SIDT1: variants seen among roughly 807,000 people sequenced by gnomAD.
SIDT1 encodes the protein SID1 transmembrane family member 1.
Under a neutral mutation model 107.5 loss-of-function variants are expected in SIDT1, and 101 were observed. The ratio of observed to expected loss-of-function variants is 0.94; its 90% CI spans 0.80 to 1.11. SIDT1 has a LOEUF of 1.11. SIDT1 is among the 50% of genes least tolerant of loss of function. SIDT1 has a pLI of 0.00. For synonymous variants in SIDT1, 395 were observed against 398.2 expected (o/e 0.99, Z 0.10); for missense variants, 1,076 against 1,058.2 (o/e 1.02, Z -0.23).
At chr3:113,623,067 T>C (rs1297388236) in intron 21 of SIDT1, among the ~76,000 whole-genome samples, 1 of 151,606 alleles carries the variant, frequency 6.6e-6, no homozygotes, top group Admixed American at 6.6e-5. Context: ...GGCATGCATC[T>C]GTAGTCCCGG....
chr3:113,585,729 C>G (rs1215659553), intron 9 of SIDT1, among the ~76,000 whole-genome samples: 1 of 152,112 alleles, frequency 6.6e-6, no homozygotes, highest in Non-Finnish European at 1.5e-5. Flanking sequence ...GAGTAATGTT[C>G]TTTGATACAG....
chr3:113,561,472 T>A (rs997716918), intron 1 of SIDT1, among the ~76,000 whole-genome samples: 5 of 152,284 alleles, frequency 3.3e-5, no homozygotes, highest in East Asian at 1.9e-4. Context: ...AGTGGGGTAA[T>A]CATGGCAGTG....
downstream of SIDT1, among the ~76,000 whole-genome samples, chr3:113,630,163 C>T (rs1412100720): frequency 2.0e-5 from 3 of 152,024 alleles, no homozygotes; most frequent in South Asian, 4.2e-4. Flanking sequence ...GGAGCGTAAC[C>T]GGAGAAAAGC....
intron 13 of SIDT1, among the ~76,000 whole-genome samples, 156 bp from the exon 14 acceptor site, chr3:113,604,754 G>A (rs1169997521): frequency 6.6e-6 from 1 of 152,124 alleles, no homozygotes; most frequent in Non-Finnish European, 1.5e-5. Flanking sequence ...GAGGGGAGAG[G>A]ACAACTGGAG....
At chr3:113,587,313 G>T (rs1943813896) in intron 9 of SIDT1, among the ~76,000 whole-genome samples, 1 of 152,020 alleles carries the variant, frequency 6.6e-6, no homozygotes, top group Admixed American at 6.6e-5. Context: ...GGATATATTG[G>T]TATTCTATGT....
chr3:113,605,618 A>T lies in SIDT1; in HGVS notation c.1404+642A>T, dbSNP rs1380618157. Among the ~76,000 whole-genome samples the T allele has an allele frequency of 2.0e-5, 3 of 152,202 alleles. No individual in the cohort carries two copies. In the East Asian group the frequency reaches 5.8e-4, roughly 29 times the overall value. Reference sequence around the variant, plus strand: ...CTGATCATTATGGGACAATGAGTAGAGTAAATAAAGTTCCAGACTAAAACA... The same window carrying T: ...CTGATCATTATGGGACAATGAGTAGTGTAAATAAAGTTCCAGACTAAAACA... On this transcript the variant is annotated intron_variant, in intron 14 of 24. Transcript: ENST00000264852.
rs1196894461 is a variant in SIDT1, at chr3:113,604,005, G to C, written c.1309G>C (p.Val437Leu). ...TTTGTCCAGGAAGGACCGGAGAATTGTCAGCAAAAAATATAAAATTTATTT... is the reference window on the plus strand; with the variant it reads ...TTTGTCCAGGAAGGACCGGAGAATTCTCAGCAAAAAATATAAAATTTATTT... ...SDLSRKDRRI[V>L]SKKYKIYFWN... The change falls in exon 13 of 25, where the codon GTC becomes CTC. Residue 437 changes from valine to leucine, a missense_variant. Transcript: ENST00000264852. 1 of 1,608,052 alleles carries C rather than the reference G, an allele frequency of 6.2e-7. No homozygotes were observed.
rs148100303 is a variant in SIDT1 at position 113,612,183 on chromosome 3, G to A, written c.1955G>A (p.Arg652His). 2.8e-4 allele frequency: 453 copies of A among 1,611,450 alleles called. 1 individual carries two copies. The highest frequency in any genetic ancestry group is 3.5e-4 in the Non-Finnish European group (416 of 1,177,602). The change falls in exon 19 of 25, where the codon CGT becomes CAT. Residue 652 changes from arginine to histidine, a missense_variant. Transcript: ENST00000264852. ...AGCACCCAGATATATTATATGGGTC[G>A]TTTCAAGATAGGTGAGTCACCTGTT... is the stretch of plus-strand genomic sequence containing the variant. ...ALSTQIYYMG[R>H]FKIDLGIFRR...
chr3:113,541,924 T>TC (rs1938933270), intron 1 of SIDT1, among the ~76,000 whole-genome samples: 1 of 142,358 alleles, frequency 7.0e-6, no homozygotes, highest in Non-Finnish European at 1.5e-5. Flanking sequence ...TCTTTTTCTT[T>TC]CTTTTTTTTT....
Position 113,612,093 on chromosome 3 carries a change from G to A in SIDT1, c.1865G>A (p.Gly622Glu), listed in dbSNP as rs1442701059. The change falls in exon 19 of 25, where the codon GGA becomes GAA. Residue 622 changes from glycine (G) to glutamate (E), a missense_variant. Transcript: ENST00000264852. ...TTCCATCTTTACTCCTAGGTGTTTG[G>A]AAAAAATGACGTATGGTTCTGGGTC... The part of the protein sequence containing the change: ...IMVTVLGVVF[G>E]KNDVWFWVIF... 1 of 1,613,754 alleles carries A rather than the reference G, an allele frequency of 6.2e-7. No individual in the cohort carries two copies. Among genetic ancestry groups the A allele is most frequent in the Admixed American group, 1.7e-5 (1 of 60,022 alleles).
intron 15 of SIDT1, 148 bp downstream of exon 15, chr3:113,607,262 C>A: frequency 1.7e-6 from 1 of 576,152 alleles, no homozygotes; most frequent in Non-Finnish European, 3.1e-6. Flanking sequence ...AAGTTGAGAC[C>A]AGGTATGCTC....
rs367821499 is a variant in SIDT1, at chr3:113,585,239, T to C, written c.970T>C (p.Cys324Arg). ...VFIFLSFYLG[C>R]LLVGFVHYLR... is the part of the protein sequence containing the mutation. ...CATCTTCCTGTCCTTCTACTTGGGA[T>C]GCCTTCTTGTTGGGTTTGTTCATTA... Residue 324 changes from cysteine (C) to arginine (R), a missense_variant, in exon 9 of 25, where the codon TGC becomes CGC. Transcript: ENST00000264852. The C allele has an allele frequency of 2.5e-6, 4 of 1,613,534 alleles. No homozygotes were observed. In the African/African-American group the frequency reaches 5.3e-5, roughly 22 times the overall value.
intron 21 of SIDT1, among the ~76,000 whole-genome samples, 160 bp from the exon 22 acceptor site, chr3:113,623,267 C>A (rs1946596063): frequency 7.6e-6 from 1 of 132,342 alleles, no homozygotes; most frequent in Admixed American, 7.6e-5. Context: ...ACTGTTCCAT[C>A]AGAGGTAAGA....
chr3:113,554,366 C>T (rs915452869), intron 1 of SIDT1, among the ~76,000 whole-genome samples: 7 of 152,166 alleles, frequency 4.6e-5, no homozygotes, highest in Admixed American at 2.0e-4. Flanking sequence ...CCATCCAAAT[C>T]TCATCTTGAA....
intron 24 of SIDT1, among the ~76,000 whole-genome samples, chr3:113,626,420 A>C (rs575272432): frequency 2.0e-5 from 3 of 151,952 alleles, no homozygotes; most frequent in African/African-American, 7.2e-5. Flanking sequence ...TTTACTCTTC[A>C]ATATCTTTAG....
At chr3:113,537,814 G>A (rs886243318) in intron 1 of SIDT1, among the ~76,000 whole-genome samples, 16 of 152,092 alleles carry the variant, frequency 1.1e-4, no homozygotes, top group Middle Eastern at 6.4e-3. Context: ...ACATAGTCTC[G>A]CTGTGTCACC....
At chr3:113,544,841 C>T (rs1045437202) in intron 1 of SIDT1, among the ~76,000 whole-genome samples, 1 of 151,990 alleles carries the variant, frequency 6.6e-6, no homozygotes, top group Non-Finnish European at 1.5e-5. Flanking sequence ...GGGCCAGGTG[C>T]GGCGGCTCAA....
At chr3:113,563,557 G>A (rs895080993) in intron 1 of SIDT1, among the ~76,000 whole-genome samples, 2 of 152,176 alleles carry the variant, frequency 1.3e-5, no homozygotes, top group Non-Finnish European at 2.9e-5. Context: ...ATGACACTGC[G>A]GGGTGCAATC....
At chr3:113,610,481 A>G (rs756700234) in intron 17 of SIDT1, among the ~76,000 whole-genome samples, 1 of 152,228 alleles carries the variant, frequency 6.6e-6, no homozygotes, top group Non-Finnish European at 1.5e-5. Context: ...CATGTCCACA[A>G]TTGTAATGCA....
Sources: gnomAD v4.1 joint callset for allele counts (sites outside exome capture counted in the v4.1 genomes callset) on GRCh38, gnomAD v4.1.1 for gene constraint, MANE v1.5 for transcripts, NCBI Gene and HGNC (gene_info 2026-07-23, HGNC 2026-07-21) for gene names.